PRKD3: variants seen among roughly 807,000 people sequenced by gnomAD.
PRKD3 encodes the protein serine/threonine-protein kinase D3.
Under a neutral mutation model 99.2 loss-of-function variants are expected in PRKD3, and 47 were observed. That is an observed-to-expected ratio of 0.47 (90% confidence interval 0.38 to 0.60). PRKD3 has a LOEUF of 0.60. Among genes scored for constraint, PRKD3 ranks in the 20% least tolerant of loss-of-function variants. The probability of loss-of-function intolerance (pLI) is 0.00; values close to 1 mark genes in which losing one functional copy is unlikely to be tolerated. For synonymous variants in PRKD3, 392 were observed against 355.4 expected (o/e 1.10, Z -1.16); for missense variants, 1,019 against 1,088.4 (o/e 0.94, Z 0.90).
chr2:37,281,290 A>G (rs11893943), intron 7 of PRKD3, among the ~76,000 whole-genome samples: 51,327 of 152,084 alleles, frequency 0.34, 9,549 homozygotes, highest in East Asian at 0.44. Flanking sequence ...ACACAAATAC[A>G]TGAAGTATAA....
chr2:37,293,401 T>TA, intron 2 of PRKD3, 130 bp from the exon 3 acceptor site: 1 of 880,284 alleles, frequency 1.1e-6, no homozygotes, highest in Admixed American at 3.0e-5. Flanking sequence ...ATTCTATTGA[T>TA]ACCTAAAAGG....
chr2:37,296,334 G>A (rs1020141176), intron 2 of PRKD3, among the ~76,000 whole-genome samples: 1 of 151,924 alleles, frequency 6.6e-6, no homozygotes, highest in Non-Finnish European at 1.5e-5. Context: ...ACATGAAGTT[G>A]GTATTAAGAG....
rs192909697 is a variant in PRKD3 at position 37,260,322 on chromosome 2, A to G, written c.1947T>C (p.Phe649=). The change falls in exon 15 of 19, where the codon TTT becomes TTC. Residue 649 remains phenylalanine, a synonymous_variant. Transcript: ENST00000234179. The part of the protein sequence containing the change: ...ECMFETPERV[F]VVMEKLHGDM... The stretch of plus-strand genomic sequence containing the variant: ...CTCCATGCAGCTTTTCCATTACTAC[A>G]AAGACTCGTTCTGGGGTTTCAAACA... The G allele has an allele frequency of 1.4e-5, 22 of 1,609,734 alleles. No individual in the cohort carries two copies. The highest frequency in any genetic ancestry group is 1.3e-4 in the Admixed American group (8 of 60,014).
At chr2:37,260,622 C>CA (rs1221960254) in intron 14 of PRKD3, among the ~76,000 whole-genome samples, 19 of 152,290 alleles carry the variant, frequency 1.2e-4, no homozygotes, top group African/African-American at 4.1e-4. Flanking sequence ...ATTATATAAT[C>CA]ACTCTTGTCC....
intron 14 of PRKD3, 45 bp from the exon 15 acceptor site, chr2:37,260,429 CAGTTTTACTAATATCT>C: frequency 2.1e-6 from 3 of 1,434,032 alleles, no homozygotes; most frequent in Non-Finnish European, 2.9e-6. Flanking sequence ...AGCAGAGAAA[CAGTTTTACTAATATCT>C]AGATGTGCTA....
chr2:37,259,305 G>C (rs951631570), intron 16 of PRKD3, among the ~76,000 whole-genome samples: 3 of 152,182 alleles, frequency 2.0e-5, no homozygotes, highest in African/African-American at 7.2e-5. Flanking sequence ...CACCAACCAA[G>C]GTTGATACTT....
chr2:37,265,736 T>C (rs944424477), intron 14 of PRKD3, among the ~76,000 whole-genome samples: 1 of 152,218 alleles, frequency 6.6e-6, no homozygotes, highest in African/African-American at 2.4e-5. Context: ...GTATTAAATT[T>C]AGTATGAAAA....
intron 2 of PRKD3, among the ~76,000 whole-genome samples, chr2:37,312,144 A>G (rs766209059): frequency 6.6e-6 from 1 of 152,242 alleles, no homozygotes; most frequent in Non-Finnish European, 1.5e-5. Flanking sequence ...ATGCTCAATG[A>G]TAAGAGTAAT....
In PRKD3 at chr2:37,253,808, G is replaced by C. The variant is rs146890872; in HGVS notation, c.2499+396C>G. Among the ~76,000 whole-genome samples, 319 of 152,248 alleles carry C rather than the reference G, an allele frequency of 2.1e-3. 1 individual carries two copies. Among genetic ancestry groups the C allele is most frequent in the African/African-American group, 7.1e-3 (294 of 41,554 alleles). On this transcript the variant is annotated intron_variant, in intron 18 of 18. Coordinates refer to ENST00000234179, the MANE Select transcript of PRKD3 (RefSeq NM_005813.6). ...CTAAAGCTTCCCTCCTTACTCTGAAGTTTGGAGGGTATCTTTTGATAAATC... is the reference window on the plus strand; with the variant it reads ...CTAAAGCTTCCCTCCTTACTCTGAACTTTGGAGGGTATCTTTTGATAAATC...
At chr2:37,310,186 A>C (rs1244537465) in intron 2 of PRKD3, among the ~76,000 whole-genome samples, 1 of 152,228 alleles carries the variant, frequency 6.6e-6, no homozygotes, top group Non-Finnish European at 1.5e-5. Context: ...TTTCTAGATT[A>C]CCACTGGCTA....
intron 2 of PRKD3, among the ~76,000 whole-genome samples, chr2:37,314,375 T>G (rs1036022263): frequency 6.6e-6 from 1 of 152,214 alleles, no homozygotes; most frequent in African/African-American, 2.4e-5. Flanking sequence ...TTAAGCTATA[T>G]CCTATTTCCC....
Position 37,287,661 on chromosome 2 carries a change from T to C in PRKD3, c.718-1292A>G, listed in dbSNP as rs186956793. Among the ~76,000 whole-genome samples the C allele has an allele frequency of 1.4e-3, 212 of 152,310 alleles. 2 individuals carry two copies. The highest frequency in any genetic ancestry group is 4.9e-3 in the African/African-American group (204 of 41,580). On this transcript the variant is annotated intron_variant, in intron 5 of 18. Transcript: ENST00000234179. ...TATTTGGATTATGTTTTATTCAATT[T>C]TGTGTCCCTAGTATATAACAGGGCC...
chr2:37,269,549 A>C (rs1558537874), intron 13 of PRKD3, 66 bp downstream of exon 13: 1 of 1,376,310 alleles, frequency 7.3e-7, no homozygotes, highest in East Asian at 2.3e-5. Context: ...AACAGCTGGC[A>C]GATGTTTTAC....
chr2:37,301,138 A>C (rs2124869394), intron 2 of PRKD3, among the ~76,000 whole-genome samples: 1 of 152,082 alleles, frequency 6.6e-6, no homozygotes, highest in East Asian at 1.9e-4. Flanking sequence ...CATCTTTAAA[A>C]CTCCAAATCC....
chr2:37,298,558 A>AAT (rs1050285653), intron 2 of PRKD3, among the ~76,000 whole-genome samples: 10 of 152,238 alleles, frequency 6.6e-5, no homozygotes, highest in South Asian at 4.1e-4. Context: ...AGAATACGTT[A>AAT]ATATATATAT....
chr2:37,306,513 G>C (rs1671175076), intron 2 of PRKD3, among the ~76,000 whole-genome samples: 1 of 152,100 alleles, frequency 6.6e-6, no homozygotes. Context: ...ACTGTGCACT[G>C]TTAAACAAAA....
At chr2:37,288,184 T>C (rs866907383) in intron 5 of PRKD3, among the ~76,000 whole-genome samples, 5 of 152,338 alleles carry the variant, frequency 3.3e-5, no homozygotes, top group Middle Eastern at 3.4e-3. Context: ...TGTGGGGCTC[T>C]TGACATACCT....
rs1045115022 is a variant in PRKD3 at position 37,295,308 on chromosome 2, G to A, written c.289-2037C>T. Among the ~76,000 whole-genome samples, 4 of 151,722 alleles carry A rather than the reference G, an allele frequency of 2.6e-5. No homozygotes were observed. The South Asian group carries it at 8.3e-4, about 32-fold the overall frequency. ...ATTAAAATAAAAAATTATAGAAGGA[G>A]GAGGAATAAAAAATGTTAACTGGGA... On this transcript the variant is annotated intron_variant, in intron 2 of 18. Coordinates refer to ENST00000234179, the MANE Select transcript of PRKD3 (RefSeq NM_005813.6).
chr2:37,251,764 C>T lies in PRKD3; in HGVS notation c.*1413G>A, dbSNP rs914763995. 6.6e-6 allele frequency: 1 copy of T among 152,032 alleles called. No individual in the cohort carries two copies. Among genetic ancestry groups the T allele is most frequent in the Non-Finnish European group, 1.5e-5 (1 of 68,010 alleles). The allele number at this position is 152,032 out of a possible 1,614,324, so 9.4% of individuals were successfully genotyped here. A position where few individuals can be genotyped will look rare whatever the true frequency, so the allele number is the denominator to read the frequency against. On this transcript the variant is annotated 3_prime_UTR_variant, in exon 19 of 19. Transcript: ENST00000234179. Reference sequence around the variant, plus strand: ...GGCAAGAATGATAATCTTCATTTTACAGACTGAGGAACTGCCGACAGACCT... The same window carrying T: ...GGCAAGAATGATAATCTTCATTTTATAGACTGAGGAACTGCCGACAGACCT...
Sources: allele counts gnomAD v4.1 joint callset (sites outside exome capture counted in the v4.1 genomes callset), GRCh38; gene constraint gnomAD v4.1.1; transcripts MANE v1.5; gene names NCBI Gene and HGNC (gene_info 2026-07-23, HGNC 2026-07-21).